The following NCKAP5 variants were observed in gnomAD, a reference collection of about 807,000 sequenced individuals.
The protein encoded by NCKAP5 is NCK associated protein 5.
Under a neutral mutation model 167.0 loss-of-function variants are expected in NCKAP5, and 92 were observed. That is an observed-to-expected ratio of 0.55 (90% CI 0.47 to 0.66). The LOEUF (loss-of-function observed/expected upper bound fraction) is 0.66. NCKAP5 is among the 30% of genes least tolerant of loss of function. The pLI, the probability that NCKAP5 is intolerant of heterozygous loss-of-function variation, is 0.00. For missense variants in NCKAP5, 2,378 were observed against 2,315.0 expected (o/e 1.03, Z -0.56); for synonymous variants, 891 against 877.4 (o/e 1.02, Z -0.27).
the NCKAP5 span, among the ~76,000 whole-genome samples, chr2:133,648,641 C>G: frequency 1.8e-4 from 27 of 152,076 alleles, no homozygotes; most frequent in African/African-American, 6.5e-4. Flanking sequence ...AAACAACACA[C>G]TCTTTAACAA....
intron 19 of NCKAP5, among the ~76,000 whole-genome samples, chr2:132,686,918 G>T (rs1686016197): frequency 6.6e-6 from 1 of 152,132 alleles, no homozygotes; most frequent in Admixed American, 6.6e-5. Context: ...GTAAACCAAG[G>T]TTCTTGAAAT....
At chr2:133,094,580 C>A (rs926596005) in intron 6 of NCKAP5, among the ~76,000 whole-genome samples, 4 of 152,002 alleles carry the variant, frequency 2.6e-5, no homozygotes, top group Non-Finnish European at 5.9e-5. Context: ...ATGTGGTGGG[C>A]GGAATTGTCA....
At chr2:133,548,644 G>A (rs1686978730) in intron 2 of NCKAP5, among the ~76,000 whole-genome samples, 2 of 151,784 alleles carry the variant, frequency 1.3e-5, no homozygotes, top group South Asian at 4.2e-4. Flanking sequence ...CATAAGTGAA[G>A]GAGAAATAAA....
chr2:133,354,076 C>T (rs1344522911), intron 3 of NCKAP5, among the ~76,000 whole-genome samples: 2 of 152,226 alleles, frequency 1.3e-5, no homozygotes, highest in African/African-American at 2.4e-5. Flanking sequence ...CTGCACCTGT[C>T]TGCATGTTTC....
rs116477852 is a variant in NCKAP5, at chr2:132,820,076, A to G, written c.808-23347T>C. Among the ~76,000 whole-genome samples, 466 of 152,296 alleles carry G rather than the reference A, an allele frequency of 3.1e-3. 1 individual carries two copies. The highest frequency in any genetic ancestry group is 0.011 in the African/African-American group (445 of 41,558). ...ATGTTATGCTATAGGTGTCCTAGGTATTCCCAAAAACCTAGAAAACCAGAC... is the reference window on the plus strand; with the variant it reads ...ATGTTATGCTATAGGTGTCCTAGGTGTTCCCAAAAACCTAGAAAACCAGAC... On this transcript the variant is annotated intron_variant, in intron 11 of 19. Coordinates refer to ENST00000409261, the MANE Select transcript of NCKAP5 (RefSeq NM_207363.3).
the NCKAP5 span, among the ~76,000 whole-genome samples, chr2:133,582,858 G>T: frequency 6.6e-6 from 1 of 152,144 alleles, no homozygotes; most frequent in Non-Finnish European, 1.5e-5. Flanking sequence ...CAAATTGAAG[G>T]TTAGGGTAGG....
At chr2:133,174,620 T>C (rs2084378369) in intron 5 of NCKAP5, among the ~76,000 whole-genome samples, 1 of 152,202 alleles carries the variant, frequency 6.6e-6, no homozygotes, top group Admixed American at 6.5e-5. Context: ...TTAGGTTGCA[T>C]TCTGTGTCCT....
At chr2:133,153,247 A>G (rs1022033588) in intron 5 of NCKAP5, among the ~76,000 whole-genome samples, 2 of 152,166 alleles carry the variant, frequency 1.3e-5, no homozygotes, top group Non-Finnish European at 2.9e-5. Flanking sequence ...AGAGAACTAT[A>G]TAACACCAAG....
At chr2:133,269,366 C>T (rs1428801645) in intron 4 of NCKAP5, among the ~76,000 whole-genome samples, 1 of 151,982 alleles carries the variant, frequency 6.6e-6, no homozygotes, top group Non-Finnish European at 1.5e-5. Context: ...GCAGAGTGGG[C>T]TGGGTGGTGC....
intron 2 of NCKAP5, among the ~76,000 whole-genome samples, chr2:133,532,266 T>C (rs1471683400): frequency 6.6e-6 from 1 of 152,212 alleles, no homozygotes; most frequent in Admixed American, 6.5e-5. Context: ...TGTCTTACAT[T>C]TTTTACCATT....
At chr2:133,549,455 T>A (rs1194368785) in intron 2 of NCKAP5, among the ~76,000 whole-genome samples, 1 of 126,848 alleles carries the variant, frequency 7.9e-6, no homozygotes, top group Non-Finnish European at 1.7e-5. Flanking sequence ...TCAAAACCGC[T>A]CAACTACATG....
At chr2:133,330,730 A>C (rs1174923657) in intron 3 of NCKAP5, among the ~76,000 whole-genome samples, 1 of 151,960 alleles carries the variant, frequency 6.6e-6, no homozygotes, top group Non-Finnish European at 1.5e-5. Context: ...CTGTACAAAA[A>C]ACTAAAATTA....
intron 16 of NCKAP5, among the ~76,000 whole-genome samples, chr2:132,736,469 C>T (rs977178502): frequency 3.3e-5 from 5 of 152,104 alleles, no homozygotes; most frequent in African/African-American, 1.2e-4. Flanking sequence ...TGAGTTGATG[C>T]AGTATTGCTC....
chr2:133,399,870 C>A (rs947554001), intron 3 of NCKAP5, among the ~76,000 whole-genome samples: 4 of 152,146 alleles, frequency 2.6e-5, no homozygotes, highest in Non-Finnish European at 4.4e-5. Flanking sequence ...TCAGTTTACA[C>A]ATAAAATCAT....
intron 3 of NCKAP5, among the ~76,000 whole-genome samples, chr2:133,306,226 C>G (rs1419129953): frequency 1.3e-5 from 2 of 152,198 alleles, no homozygotes; most frequent in Non-Finnish European, 2.9e-5. Context: ...GCTGCAAGAG[C>G]TTTGGGAGCA....
At chr2:133,207,439 G>A (rs1345108669) in intron 5 of NCKAP5, among the ~76,000 whole-genome samples, 1 of 152,048 alleles carries the variant, frequency 6.6e-6, no homozygotes, top group East Asian at 1.9e-4. Flanking sequence ...CTGCATTCCT[G>A]GAATAAATAC....
intron 4 of NCKAP5, among the ~76,000 whole-genome samples, chr2:133,241,246 C>T (rs776078127): frequency 2.0e-5 from 3 of 152,182 alleles, no homozygotes; most frequent in African/African-American, 4.8e-5. Context: ...CTCTCTTCCT[C>T]GCCCTATTTT....
At chr2:133,574,008 G>C in the NCKAP5 span, among the ~76,000 whole-genome samples, 1 of 152,148 alleles carries the variant, frequency 6.6e-6, no homozygotes, top group Non-Finnish European at 1.5e-5. Flanking sequence ...TGGAAACTGA[G>C]AGTGCAATGA....
intron 3 of NCKAP5, among the ~76,000 whole-genome samples, chr2:133,393,298 C>T (rs563649439): frequency 6.6e-6 from 1 of 152,308 alleles, no homozygotes; most frequent in South Asian, 2.1e-4. Flanking sequence ...GTTTGTTCTG[C>T]CACTTCGTTC....
Sources: gnomAD v4.1 joint callset for allele counts (sites outside exome capture counted in the v4.1 genomes callset) on GRCh38, gnomAD v4.1.1 for gene constraint, MANE v1.5 for transcripts, NCBI Gene and HGNC (gene_info 2026-07-23, HGNC 2026-07-21) for gene names.